Variants in FGGY observed in about 807,000 individuals in gnomAD.
The protein encoded by FGGY is FGGY carbohydrate kinase domain containing, also known as FGGY carbohydrate kinase domain-containing protein.
FGGY carries 72 observed loss-of-function variants against 71.3 expected under a neutral mutation model. That is an observed-to-expected ratio of 1.01 (90% confidence interval 0.84 to 1.23). The LOEUF is 1.23. FGGY is among the 50% of genes most tolerant of loss of function. The probability of loss-of-function intolerance (pLI) is 0.00; values close to 1 mark genes in which losing one functional copy is unlikely to be tolerated. For synonymous variants in FGGY, 251 were observed against 250.3 expected (o/e 1.00, Z -0.02); for missense variants, 668 against 682.3 (o/e 0.98, Z 0.23).
At chr1:59,685,318 T>G (rs2097535765) in intron 14 of FGGY, among the ~76,000 whole-genome samples, 1 of 152,024 alleles carries the variant, frequency 6.6e-6, no homozygotes, top group Admixed American at 6.6e-5. Context: ...CAGGCACAAG[T>G]GACTCACCAG....
intron 2 of FGGY, among the ~76,000 whole-genome samples, 198 bp from the exon 3 acceptor site, chr1:59,339,760 G>A (rs1246090656): frequency 6.6e-6 from 1 of 152,110 alleles, no homozygotes; most frequent in African/African-American, 2.4e-5. Flanking sequence ...GCCATGCCTG[G>A]CCTTAATTTC....
chr1:59,421,747 G>A (rs1372857975), intron 5 of FGGY, among the ~76,000 whole-genome samples: 1 of 152,188 alleles, frequency 6.6e-6, no homozygotes, highest in Non-Finnish European at 1.5e-5. Flanking sequence ...GATGGGTATT[G>A]TAGATGTTTA....
intron 14 of FGGY, among the ~76,000 whole-genome samples, chr1:59,711,666 C>T (rs937866282): frequency 2.0e-5 from 3 of 152,196 alleles, no homozygotes; most frequent in African/African-American, 4.8e-5. Context: ...GAGCAAGTCA[C>T]ATCTTACATG....
intron 8 of FGGY, among the ~76,000 whole-genome samples, chr1:59,568,086 G>T (rs973984524): frequency 6.6e-6 from 1 of 152,116 alleles, no homozygotes; most frequent in Admixed American, 6.5e-5. Context: ...AACACTGCCA[G>T]TGAAGTTTGG....
intron 7 of FGGY, among the ~76,000 whole-genome samples, chr1:59,547,629 T>C (rs1433115842): frequency 6.6e-6 from 1 of 152,172 alleles, no homozygotes; most frequent in Non-Finnish European, 1.5e-5. Flanking sequence ...TCAAATATGA[T>C]AATATTTGCA....
intron 6 of FGGY, among the ~76,000 whole-genome samples, chr1:59,479,450 G>C (rs1032896428): frequency 7.9e-5 from 12 of 152,228 alleles, no homozygotes. Flanking sequence ...AGAGAGAAGG[G>C]AGAATCAGTA....
At chr1:59,301,901 CTTT>C (rs60018175) in intron 1 of FGGY, among the ~76,000 whole-genome samples, 1 of 138,368 alleles carries the variant, frequency 7.2e-6, no homozygotes. Flanking sequence ...TTCTTTCTTT[CTTT>C]TTTTTTTTTT....
intron 4 of FGGY, among the ~76,000 whole-genome samples, chr1:59,373,379 A>G (rs551864858): frequency 8.9e-4 from 136 of 152,340 alleles, no homozygotes; most frequent in African/African-American, 3.1e-3. Flanking sequence ...AAGGAGAACT[A>G]CAAACCACTG....
chr1:59,631,526 G>A (rs2153869009), intron 10 of FGGY, among the ~76,000 whole-genome samples: 1 of 152,294 alleles, frequency 6.6e-6, no homozygotes, highest in South Asian at 2.1e-4. Flanking sequence ...AACAGGCATA[G>A]CTGTTTTTGA....
rs143377700 is a variant in FGGY at position 59,661,880 on chromosome 1, C to T, written c.1296+1587C>T. 3.5e-3 allele frequency among the ~76,000 whole-genome samples: 531 copies of T among 151,078 alleles called. 4 individuals are homozygous for T. The highest frequency in any genetic ancestry group is 0.012 in the African/African-American group (507 of 41,252). The stretch of plus-strand genomic sequence containing the variant: ...GACTACAGGCGCATGCCACCATGCC[C>T]AGCTGATTTTTTGTATTTTTAGTAG... On this transcript the variant is annotated intron_variant, in intron 12 of 15. Transcript: ENST00000303721.
intron 5 of FGGY, among the ~76,000 whole-genome samples, chr1:59,415,209 TAA>T (rs1354001741): frequency 6.6e-6 from 1 of 152,170 alleles, no homozygotes; most frequent in Non-Finnish European, 1.5e-5. Flanking sequence ...TGAAAATACT[TAA>T]GTGTTTTTTT....
chr1:59,315,515 C>G (rs776788584), intron 1 of FGGY: 3 of 149,460 alleles, frequency 2.0e-5, no homozygotes, highest in African/African-American at 7.4e-5. Context: ...TTTTCTTGAT[C>G]TGCAACAAGC....
At chr1:59,502,249 G>C (rs1485037857) in intron 6 of FGGY, among the ~76,000 whole-genome samples, 7 of 152,156 alleles carry the variant, frequency 4.6e-5, no homozygotes. Flanking sequence ...TCTACAAAAA[G>C]AGCTCTGCCC....
At chr1:59,534,208 A>T (rs930956677) in intron 7 of FGGY, among the ~76,000 whole-genome samples, 2 of 152,212 alleles carry the variant, frequency 1.3e-5, no homozygotes, top group Non-Finnish European at 2.9e-5. Flanking sequence ...AGCCGATGCG[A>T]TCACCTAGAA....
intron 6 of FGGY, among the ~76,000 whole-genome samples, chr1:59,490,837 T>C (rs1036769867): frequency 6.6e-6 from 1 of 152,090 alleles, no homozygotes; most frequent in East Asian, 1.9e-4. Flanking sequence ...TGGCTGTAGA[T>C]AGGTGGATTA....
At chr1:59,489,779 T>C (rs1456075944) in intron 6 of FGGY, among the ~76,000 whole-genome samples, 1 of 152,172 alleles carries the variant, frequency 6.6e-6, no homozygotes, top group Non-Finnish European at 1.5e-5. Context: ...TGTAGTTTTT[T>C]GAGGAACCTC....
At chr1:59,461,149 T>C (rs2092172971) in intron 6 of FGGY, among the ~76,000 whole-genome samples, 1 of 152,082 alleles carries the variant, frequency 6.6e-6, no homozygotes, top group Admixed American at 6.5e-5. Context: ...TTCAACCCCA[T>C]CGCAAGGAAG....
chr1:59,701,756 A>G (rs1314517334), intron 14 of FGGY, among the ~76,000 whole-genome samples: 2 of 152,042 alleles, frequency 1.3e-5, no homozygotes, highest in Non-Finnish European at 2.9e-5. Flanking sequence ...TGGGCCCGAG[A>G]TGGGAGAGAA....
intron 6 of FGGY, among the ~76,000 whole-genome samples, chr1:59,484,350 C>A (rs1317847052): frequency 6.6e-6 from 1 of 152,126 alleles, no homozygotes; most frequent in East Asian, 1.9e-4. Flanking sequence ...TCCCTTATAT[C>A]ATCTTTCTCC....
Sources: allele counts gnomAD v4.1 joint callset (sites outside exome capture counted in the v4.1 genomes callset), GRCh38; gene constraint gnomAD v4.1.1; transcripts MANE v1.5; gene names NCBI Gene and HGNC (gene_info 2026-07-23, HGNC 2026-07-21).